FAM118B: variants seen among roughly 807,000 people sequenced by gnomAD.
FAM118B encodes the protein SIR2 antiphage like 1.
FAM118B carries 24 observed loss-of-function variants against 38.5 expected under a neutral mutation model. The ratio of observed to expected loss-of-function variants is 0.62; its 90% confidence interval spans 0.45 to 0.88. The LOEUF is 0.88. FAM118B is among the 40% of genes least tolerant of loss of function. FAM118B has a pLI of 0.00. For synonymous variants in FAM118B, 138 were observed against 156.3 expected (o/e 0.88, Z 0.87); for missense variants, 334 against 420.0 (o/e 0.80, Z 1.79).
intron 1 of FAM118B, among the ~76,000 whole-genome samples, chr11:126,228,121 G>A (rs1362277233): frequency 6.6e-6 from 1 of 151,866 alleles, no homozygotes; most frequent in East Asian, 1.9e-4. Context: ...TTAATTTTCA[G>A]CTCTATTTAA....
At chr11:126,258,336 A>G (rs1565341522) in intron 7 of FAM118B, among the ~76,000 whole-genome samples, 1 of 152,204 alleles carries the variant, frequency 6.6e-6, no homozygotes, top group African/African-American at 2.4e-5. Flanking sequence ...GCAGTGAGCT[A>G]TGATTGCATC....
intron 7 of FAM118B, chr11:126,260,259 C>T (rs1950660773): frequency 6.6e-6 from 1 of 152,104 alleles, no homozygotes; most frequent in African/African-American, 2.4e-5. Context: ...TCTCAGTCTC[C>T]TAAGTGCAAG....
chr11:126,231,410 A>T (rs1950205274), intron 2 of FAM118B, among the ~76,000 whole-genome samples: 1 of 151,612 alleles, frequency 6.6e-6, no homozygotes, highest in African/African-American at 2.4e-5. Flanking sequence ...GCTAAAATTG[A>T]TTTTTTTTTC....
At chr11:126,228,198 T>G (rs1043293120) in intron 1 of FAM118B, among the ~76,000 whole-genome samples, 2 of 151,996 alleles carry the variant, frequency 1.3e-5, no homozygotes, top group African/African-American at 4.8e-5. Context: ...AAACATTTTT[T>G]TTTTTGGTTT....
intron 7 of FAM118B, among the ~76,000 whole-genome samples, chr11:126,258,686 A>C (rs541317287): frequency 6.6e-6 from 1 of 152,322 alleles, no homozygotes; most frequent in East Asian, 1.9e-4. Flanking sequence ...GACTTTGAGA[A>C]GGCTTTTCTG....
rs1950489562 is a variant in FAM118B, at chr11:126,250,567, T to TG, written c.403dup (p.Glu135GlyfsTer31). 2 of 1,614,020 alleles carry TG rather than the reference T, an allele frequency of 1.2e-6. No homozygotes were observed. The highest frequency in any genetic ancestry group is 1.7e-6 in the Non-Finnish European group (2 of 1,179,998). ...TGTTTATATGAAGTATTTGATGACT[T>TG]GGAGTCAAAGATGGAAGATTCTGGA... On this transcript the variant is annotated frameshift_variant, in exon 5 of 9. Coordinates refer to ENST00000533050, the MANE Select transcript of FAM118B (RefSeq NM_024556.4). LOFTEE classifies it high-confidence loss of function. This position sits in a 1 kb window ranked among gnomAD's most constrained non-coding sequence, Gnocchi z 5.1.
At chr11:126,257,240 A>T (rs1950591262) in intron 7 of FAM118B, among the ~76,000 whole-genome samples, 2 of 152,224 alleles carry the variant, frequency 1.3e-5, no homozygotes, top group African/African-American at 2.4e-5. Context: ...AACTTTTATG[A>T]CCATAAATTA....
chr11:126,217,814 G>A (rs1055397020), intron 1 of FAM118B, among the ~76,000 whole-genome samples: 1 of 152,198 alleles, frequency 6.6e-6, no homozygotes, highest in Non-Finnish European at 1.5e-5. Flanking sequence ...TTGTTTGATA[G>A]TTTGGCAGTT....
chr11:126,227,824 G>T lies in FAM118B; in HGVS notation c.-76-1401G>T, dbSNP rs7929965. 7.1e-3 allele frequency among the ~76,000 whole-genome samples: 1,074 copies of T among 152,122 alleles called. 11 individuals carry two copies. The highest frequency in any genetic ancestry group is 0.023 in the African/African-American group (956 of 41,504). On this transcript the variant is annotated intron_variant, in intron 1 of 8. Coordinates refer to ENST00000533050, the MANE Select transcript of FAM118B (RefSeq NM_024556.4). Reference sequence around the variant, plus strand: ...TTTGTTATTTATTTATTTTTGAGATGGGTTCTCACTCTATCACCAGGCTGG... The same window carrying T: ...TTTGTTATTTATTTATTTTTGAGATTGGTTCTCACTCTATCACCAGGCTGG...
rs923759567 is a variant in FAM118B, at chr11:126,252,492, C to A, written c.567+1759C>A. ...TGGGCACAGCAGCTCAGGCCTGTAA[C>A]CCCAGCACTTTGGGAAGCTGAGGCG... On this transcript the variant is annotated intron_variant, in intron 5 of 8. Transcript: ENST00000533050. This position sits in a 1 kb window ranked among gnomAD's most constrained non-coding sequence, Gnocchi z 4.7. Among the ~76,000 whole-genome samples the A allele has an allele frequency of 2.0e-5, 3 of 151,532 alleles. No homozygotes were observed. Among genetic ancestry groups the A allele is most frequent in the Non-Finnish European group, 4.4e-5 (3 of 67,894 alleles).
intron 1 of FAM118B, among the ~76,000 whole-genome samples, chr11:126,215,669 C>G (rs1949968601): frequency 7.0e-6 from 1 of 143,512 alleles, no homozygotes; most frequent in Non-Finnish European, 1.5e-5. Context: ...TGCATTCCAG[C>G]CTGGGTGAAA....
At chr11:126,249,753 AAG>A (rs1950472446) in intron 4 of FAM118B, among the ~76,000 whole-genome samples, 1 of 150,324 alleles carries the variant, frequency 6.7e-6, no homozygotes, top group Non-Finnish European at 1.5e-5. Flanking sequence ...AAAAAAAAAA[AAG>A]AAAAAGAAAA....
intron 1 of FAM118B, among the ~76,000 whole-genome samples, chr11:126,213,895 T>C (rs1949928170): frequency 6.6e-6 from 1 of 152,208 alleles, no homozygotes; most frequent in South Asian, 2.1e-4. Context: ...TTTAGGTTTG[T>C]CTTGTTGAAA....
At position 126,255,239 on chromosome 11, in the gene FAM118B, A is replaced by T. The variant is rs1950559370; in HGVS notation, c.696+806A>T. ...ACATTTTCGACTTGTTCAGATAAAC[A>T]TGTTCAAACCAGAAGTATTCGCTGC... On this transcript the variant is annotated intron_variant, in intron 6 of 8. Coordinates refer to ENST00000533050, the MANE Select transcript of FAM118B (RefSeq NM_024556.4). This position sits in a 1 kb window ranked among gnomAD's most constrained non-coding sequence, Gnocchi z 4.6. Among the ~76,000 whole-genome samples, 1 of 152,230 alleles carries T rather than the reference A, an allele frequency of 6.6e-6. No individual in the cohort carries two copies. The highest frequency in any genetic ancestry group is 2.1e-4 in the South Asian group (1 of 4,834).
chr11:126,258,333 G>A (rs1950613500), intron 7 of FAM118B, among the ~76,000 whole-genome samples: 1 of 152,184 alleles, frequency 6.6e-6, no homozygotes, highest in Non-Finnish European at 1.5e-5. Flanking sequence ...TCTGCAGTGA[G>A]CTATGATTGC....
At position 126,244,046 on chromosome 11, in the gene FAM118B, C is replaced by T. The variant is rs917176155; in HGVS notation, c.339+3002C>T. Among the ~76,000 whole-genome samples, 4 of 151,814 alleles carry T rather than the reference C, an allele frequency of 2.6e-5. No individual in the cohort carries two copies. The highest frequency in any genetic ancestry group is 4.4e-5 in the Non-Finnish European group (3 of 67,972). On this transcript the variant is annotated intron_variant, in intron 4 of 8. Transcript: ENST00000533050. The surrounding 1 kb of genome is among the most constrained non-coding windows in gnomAD (Gnocchi z 4.5). ...TCTTTCATGATTTTTTTTAAAAAAG[C>T]CACACTCTACAAATGAAGGAATAAT...
intron 2 of FAM118B, among the ~76,000 whole-genome samples, chr11:126,232,057 T>G (rs1406502509): frequency 6.6e-6 from 1 of 152,218 alleles, no homozygotes. Context: ...TTAAGTTTTT[T>G]TTTGTTTGTT....
At chr11:126,258,908 G>A (rs1181877958) in intron 7 of FAM118B, among the ~76,000 whole-genome samples, 1 of 152,216 alleles carries the variant, frequency 6.6e-6, no homozygotes, top group African/African-American at 2.4e-5. Flanking sequence ...AGTGCACTAA[G>A]ATTGCTCTAA....
intron 3 of FAM118B, among the ~76,000 whole-genome samples, chr11:126,238,511 C>T (rs948991210): frequency 5.9e-5 from 9 of 152,090 alleles, no homozygotes; most frequent in Admixed American, 2.0e-4. Context: ...GGTGCAGGTA[C>T]AGAGTTGATT....
Sources: gnomAD v4.1 joint callset for allele counts (sites outside exome capture counted in the v4.1 genomes callset) on GRCh38, gnomAD v4.1.1 for gene constraint, Gnocchi (gnomAD v3.1) non-coding constraint, MANE v1.5 for transcripts, NCBI Gene and HGNC (gene_info 2026-07-23, HGNC 2026-07-21) for gene names.